ATP6V0D2: variants seen among roughly 807,000 people sequenced by gnomAD.
The protein encoded by ATP6V0D2 is V-type proton ATPase subunit d 2.
Under a neutral mutation model 40.0 loss-of-function variants are expected in ATP6V0D2, and 40 were observed. The ratio of observed to expected loss-of-function variants is 1.00; its 90% CI spans 0.78 to 1.30. The LOEUF (loss-of-function observed/expected upper bound fraction) is 1.30. Ranked by LOEUF, ATP6V0D2 falls within the 50% of genes most tolerant of loss-of-function variation. The pLI is 0.00. For missense variants in ATP6V0D2, 470 were observed against 423.1 expected (o/e 1.11, Z -0.97); for synonymous variants, 179 against 156.3 (o/e 1.15, Z -1.08).
intron 1 of ATP6V0D2, among the ~76,000 whole-genome samples, chr8:86,108,332 G>C (rs1433456257): frequency 1.3e-5 from 2 of 151,952 alleles, no homozygotes; most frequent in Admixed American, 6.6e-5. Context: ...TGTAGAGTTG[G>C]GGTTTTGCCA....
chr8:86,119,575 T>C (rs560295321), intron 2 of ATP6V0D2, among the ~76,000 whole-genome samples: 292 of 152,286 alleles, frequency 1.9e-3, no homozygotes, highest in Non-Finnish European at 3.2e-3. Flanking sequence ...CATTCATTAA[T>C]TAAGCAAGCA....
At chr8:86,119,258 A>C in intron 2 of ATP6V0D2, among the ~76,000 whole-genome samples, 1 of 115,132 alleles carries the variant, frequency 8.7e-6, no homozygotes, top group South Asian at 2.8e-4. Flanking sequence ...TTTGAGATGG[A>C]GTCACTCTCA....
At chr8:86,106,258 A>T (rs1224846388) in intron 1 of ATP6V0D2, among the ~76,000 whole-genome samples, 1 of 151,984 alleles carries the variant, frequency 6.6e-6, no homozygotes, top group East Asian at 1.9e-4. Context: ...TTAGCCTTTC[A>T]AGTACCTGGG....
At position 86,152,940 on chromosome 8, in the gene ATP6V0D2, A is replaced by G. The variant is rs1260859530; in HGVS notation, c.1016A>G (p.His339Arg). Residue 339 changes from histidine (H) to arginine (R), a missense_variant, in exon 8 of 8, where the codon CAT (histidine) becomes CGT (arginine). Transcript: ENST00000285393. The stretch of plus-strand genomic sequence containing the variant: ...ATAGCAGAATGTATTTCACAGAGGC[A>G]TCGAACTAAAATCAACAGTTACATT... ...VWIAECISQR[H>R]RTKINSYIPI... is the part of the protein sequence containing the mutation. The G allele has an allele frequency of 3.1e-6, 5 of 1,609,340 alleles. No individual in the cohort carries two copies. The highest frequency in any genetic ancestry group is 4.2e-6 in the Non-Finnish European group (5 of 1,178,588).
At chr8:86,103,119 T>C (rs964769830) in intron 1 of ATP6V0D2, among the ~76,000 whole-genome samples, 2 of 148,442 alleles carry the variant, frequency 1.3e-5, no homozygotes, top group African/African-American at 4.9e-5. Context: ...GGATTAAGTC[T>C]TTTTTTTTTC....
In ATP6V0D2 at chr8:86,113,993, T is replaced by C; in HGVS notation, c.302+113T>C. 4.9e-6 allele frequency: 5 copies of C among 1,024,410 alleles called. 1 individual carries two copies. The South Asian group carries it at 1.5e-4, about 30-fold the overall frequency. The allele number at this position is 1,024,410 out of a possible 1,614,324, so 63.5% of individuals were successfully genotyped here. A position where few individuals can be genotyped will look rare whatever the true frequency, so the allele number is the denominator to read the frequency against. On this transcript the variant is annotated intron_variant, in intron 2 of 7. Coordinates refer to ENST00000285393, the MANE Select transcript of ATP6V0D2 (RefSeq NM_152565.1). ...GAGACTTAAGACCTTTTCCATTGTTTGTAAGTTTAAATTCATTCACATTTT... is the reference window on the plus strand; with the variant it reads ...GAGACTTAAGACCTTTTCCATTGTTCGTAAGTTTAAATTCATTCACATTTT...
chr8:86,145,369 G>GA (rs370313928), intron 5 of ATP6V0D2, among the ~76,000 whole-genome samples: 22 of 61,380 alleles, frequency 3.6e-4, no homozygotes, highest in African/African-American at 1.8e-3. Context: ...AAGGAAGGAA[G>GA]GAAGGAAAGA....
At chr8:86,152,668 A>T in intron 7 of ATP6V0D2, 148 bp from the exon 8 acceptor site, 1 of 596,608 alleles carries the variant, frequency 1.7e-6, no homozygotes, top group Non-Finnish European at 2.7e-6. Flanking sequence ...CTGAGTTGTC[A>T]CCATACTCCT....
intron 5 of ATP6V0D2, among the ~76,000 whole-genome samples, chr8:86,149,077 C>CAAAAAAAAAAAAA (rs1819109621): frequency 2.0e-4 from 7 of 35,766 alleles, no homozygotes; most frequent in Non-Finnish European, 2.9e-4. Flanking sequence ...AAAAAAAAAC[C>CAAAAAAAAAAAAA]AATGAACAAG....
At chr8:86,139,164 G>T (rs1818939393) in intron 2 of ATP6V0D2, among the ~76,000 whole-genome samples, 1 of 151,174 alleles carries the variant, frequency 6.6e-6, no homozygotes, top group African/African-American at 2.4e-5. Flanking sequence ...GGAGGCGGAG[G>T]TTGCAGTAAG....
chr8:86,149,036 GACCC>G (rs1212964941), intron 5 of ATP6V0D2, among the ~76,000 whole-genome samples: 1 of 98,230 alleles, frequency 1.0e-5, no homozygotes, highest in Non-Finnish European at 1.8e-5. Context: ...GACAGAGTGA[GACCC>G]AATCTCCAAA....
chr8:86,118,249 T>A (rs923228274), intron 2 of ATP6V0D2, among the ~76,000 whole-genome samples: 1 of 150,916 alleles, frequency 6.6e-6, no homozygotes, highest in Non-Finnish European at 1.5e-5. Flanking sequence ...TTTTTTATTT[T>A]TTTTAGTAGA....
chr8:86,146,838 TC>T (rs999689473), intron 5 of ATP6V0D2, among the ~76,000 whole-genome samples: 1 of 152,166 alleles, frequency 6.6e-6, no homozygotes, highest in Admixed American at 6.6e-5. Context: ...TGTAATTACC[TC>T]CCTTTTACTT....
At chr8:86,133,674 G>A (rs996085655) in intron 2 of ATP6V0D2, among the ~76,000 whole-genome samples, 3 of 151,954 alleles carry the variant, frequency 2.0e-5, no homozygotes, top group Admixed American at 1.3e-4. Flanking sequence ...AGTGCCATGG[G>A]AAAAACTGCA....
chr8:86,100,549 C>G (rs182508364), intron 1 of ATP6V0D2, among the ~76,000 whole-genome samples: 6 of 152,298 alleles, frequency 3.9e-5, no homozygotes, highest in Admixed American at 3.9e-4. Context: ...CAAGTTACGA[C>G]AAACCCTGCA....
At chr8:86,145,323 A>C (rs1819049225) in intron 5 of ATP6V0D2, among the ~76,000 whole-genome samples, 1 of 47,812 alleles carries the variant, frequency 2.1e-5, no homozygotes, top group African/African-American at 1.3e-4. Context: ...AGAAAGAAGG[A>C]AAGAAGGAAA....
intron 1 of ATP6V0D2, among the ~76,000 whole-genome samples, chr8:86,103,423 C>T (rs1818429437): frequency 6.6e-6 from 1 of 151,590 alleles, no homozygotes; most frequent in Non-Finnish European, 1.5e-5. Context: ...GAGCTGCTGG[C>T]CTGGATTAAG....
chr8:86,115,243 G>A (rs1322102323), intron 2 of ATP6V0D2, among the ~76,000 whole-genome samples: 3 of 151,774 alleles, frequency 2.0e-5, no homozygotes, highest in African/African-American at 4.8e-5. Context: ...CTGGTTGAAC[G>A]ATAAAATGAT....
At chr8:86,123,772 A>T (rs1818703723) in intron 2 of ATP6V0D2, among the ~76,000 whole-genome samples, 1 of 152,154 alleles carries the variant, frequency 6.6e-6, no homozygotes, top group Non-Finnish European at 1.5e-5. Flanking sequence ...GAAGTAAATA[A>T]ATCACCCTAA....
Sources: allele counts gnomAD v4.1 joint callset (sites outside exome capture counted in the v4.1 genomes callset), GRCh38; gene constraint gnomAD v4.1.1; transcripts MANE v1.5; gene names NCBI Gene and HGNC (gene_info 2026-07-23, HGNC 2026-07-21).